MGMT: variants seen among roughly 807,000 people sequenced by gnomAD.
MGMT encodes O-6-methylguanine-DNA methyltransferase, also known as methylated-DNA--protein-cysteine methyltransferase.
In MGMT, 14 loss-of-function variants were observed where a neutral mutation model predicts 15.9. The observed-to-expected ratio is 0.88, with a 90% CI of 0.58 to 1.37. The LOEUF (loss-of-function observed/expected upper bound fraction) is 1.37. MGMT is among the 40% of genes most tolerant of loss of function. The pLI is 0.00. For missense variants in MGMT, 282 were observed against 268.1 expected, an observed-to-expected ratio of 1.05 and a Z score of -0.36; for synonymous variants, 130 against 118.2, an observed-to-expected ratio of 1.10 and a Z score of -0.65.
intron 2 of MGMT, among the ~76,000 whole-genome samples, chr10:129,570,112 C>A (rs909807326): frequency 6.6e-6 from 1 of 152,234 alleles, no homozygotes; most frequent in Non-Finnish European, 1.5e-5. Flanking sequence ...CCCTCACGTG[C>A]ATGGCCGCAG....
chr10:129,697,249 A>G (rs1848042683), intron 2 of MGMT, among the ~76,000 whole-genome samples: 1 of 152,180 alleles, frequency 6.6e-6, no homozygotes, highest in Non-Finnish European at 1.5e-5. Flanking sequence ...TTAGAGTAAA[A>G]GAAAGTAAAT....
chr10:129,728,189 G>T (rs2133160143), intron 3 of MGMT, among the ~76,000 whole-genome samples: 1 of 152,324 alleles, frequency 6.6e-6, no homozygotes, highest in South Asian at 2.1e-4. Context: ...TGTGACCGTG[G>T]ATGGCAGGGA....
chr10:129,652,001 C>T (rs1020610087), intron 2 of MGMT, among the ~76,000 whole-genome samples: 3 of 152,182 alleles, frequency 2.0e-5, no homozygotes, highest in Non-Finnish European at 2.9e-5. Context: ...ACTTGCTTCA[C>T]CCAGGTGTTG....
At chr10:129,601,280 A>G (rs1180744611) in intron 2 of MGMT, among the ~76,000 whole-genome samples, 9 of 152,186 alleles carry the variant, frequency 5.9e-5, no homozygotes, top group Admixed American at 5.2e-4. Flanking sequence ...GGTCCATATC[A>G]AATACTGTTT....
At chr10:129,759,031 G>A (rs41544612) in intron 3 of MGMT, among the ~76,000 whole-genome samples, 171 bp from the exon 4 acceptor site, 331 of 152,368 alleles carry the variant, frequency 2.2e-3, no homozygotes, top group Non-Finnish European at 3.6e-3. Flanking sequence ...ACATGCTTGC[G>A]TCTCCTCGCC....
At chr10:129,583,035 A>T (rs1056518802) in intron 2 of MGMT, among the ~76,000 whole-genome samples, 1 of 152,156 alleles carries the variant, frequency 6.6e-6, no homozygotes, top group Non-Finnish European at 1.5e-5. Context: ...AAGATGAACC[A>T]TCTTGAGGGA....
chr10:129,484,916 A>ATG (rs1173805119), intron 1 of MGMT, among the ~76,000 whole-genome samples: 4 of 151,692 alleles, frequency 2.6e-5, no homozygotes, highest in African/African-American at 9.7e-5. Context: ...GTATATATGT[A>ATG]TGTGTGTGTG....
At chr10:129,530,241 G>A (rs1299760382) in intron 1 of MGMT, among the ~76,000 whole-genome samples, 2 of 152,154 alleles carry the variant, frequency 1.3e-5, no homozygotes, top group Non-Finnish European at 2.9e-5. Context: ...TCCTTGAAAA[G>A]TTGACTCGTA....
intron 2 of MGMT, among the ~76,000 whole-genome samples, chr10:129,562,473 A>G (rs1846292474): frequency 1.3e-5 from 2 of 152,258 alleles, no homozygotes; most frequent in African/African-American, 2.4e-5. Flanking sequence ...TTCCTGGAAT[A>G]ACTGCATTAA....
intron 3 of MGMT, among the ~76,000 whole-genome samples, chr10:129,721,451 A>G (rs145483760): frequency 3.9e-5 from 6 of 152,384 alleles, no homozygotes; most frequent in African/African-American, 1.4e-4. Context: ...TATAAGTTGA[A>G]CAAATTTCAG....
intron 2 of MGMT, among the ~76,000 whole-genome samples, chr10:129,650,901 C>T (rs1847449940): frequency 6.6e-6 from 1 of 152,208 alleles, no homozygotes; most frequent in Non-Finnish European, 1.5e-5. Context: ...CTGCCCCTGC[C>T]TGCCATGGCT....
At chr10:129,698,665 A>T (rs1166919016) in intron 2 of MGMT, among the ~76,000 whole-genome samples, 1 of 152,228 alleles carries the variant, frequency 6.6e-6, no homozygotes. Flanking sequence ...TGCCACATTT[A>T]CAATATTAAT....
chr10:129,562,761 G>T (rs1443116294), intron 2 of MGMT, among the ~76,000 whole-genome samples: 2 of 152,180 alleles, frequency 1.3e-5, no homozygotes, highest in East Asian at 3.8e-4. Flanking sequence ...CGCAGCCTCT[G>T]CCAGGTTTCT....
intron 2 of MGMT, among the ~76,000 whole-genome samples, chr10:129,572,497 T>C (rs920283996): frequency 1.3e-5 from 2 of 152,188 alleles, no homozygotes; most frequent in Admixed American, 1.3e-4. Context: ...GTCTTCTGAG[T>C]AGTTGGCTAC....
intron 2 of MGMT, among the ~76,000 whole-genome samples, chr10:129,639,734 G>T (rs964436586): frequency 1.3e-5 from 2 of 151,964 alleles, no homozygotes; most frequent in Admixed American, 6.6e-5. Context: ...ATAGCAAAAG[G>T]TCTCAAAACA....
chr10:129,517,165 G>A (rs1055007158), intron 1 of MGMT, among the ~76,000 whole-genome samples: 2 of 152,314 alleles, frequency 1.3e-5, no homozygotes, highest in South Asian at 2.1e-4. Flanking sequence ...CTGGAGCTCC[G>A]CTTGGGGGTT....
intron 2 of MGMT, among the ~76,000 whole-genome samples, chr10:129,677,563 C>G (rs1847799492): frequency 6.6e-6 from 1 of 152,212 alleles, no homozygotes; most frequent in Non-Finnish European, 1.5e-5. Context: ...AGTTGAGGGC[C>G]TGTCTTTCAC....
At chr10:129,684,459 C>A (rs1350156506) in intron 2 of MGMT, among the ~76,000 whole-genome samples, 3 of 152,212 alleles carry the variant, frequency 2.0e-5, no homozygotes, top group African/African-American at 7.2e-5. Context: ...GACCAACTTT[C>A]TTTTTCCACA....
intron 1 of MGMT, among the ~76,000 whole-genome samples, chr10:129,522,304 G>A (rs1333133866): frequency 6.6e-6 from 1 of 152,222 alleles, no homozygotes; most frequent in Non-Finnish European, 1.5e-5. Context: ...GGGGCTTACT[G>A]CCTTGGGCCC....
Sources: allele counts gnomAD v4.1 joint callset (sites outside exome capture counted in the v4.1 genomes callset), GRCh38; gene constraint gnomAD v4.1.1; transcripts MANE v1.5; gene names NCBI Gene and HGNC (gene_info 2026-07-23, HGNC 2026-07-21).